SNRNP70: variants seen among roughly 807,000 people sequenced by gnomAD.
SNRNP70 encodes small nuclear ribonucleoprotein U1 subunit 70, also known as U1 small nuclear ribonucleoprotein 70 kDa.
Under a neutral mutation model 50.5 loss-of-function variants are expected in SNRNP70, and 8 were observed. The observed-to-expected ratio is 0.16, with a 90% confidence interval of 0.09 to 0.29. SNRNP70 has a LOEUF of 0.29. SNRNP70 is among the 10% of genes least tolerant of loss of function. The pLI is 1.00. For missense variants in SNRNP70, 529 were observed against 663.5 expected (o/e 0.80, Z 2.23); for synonymous variants, 320 against 252.9 (o/e 1.27, Z -2.52).
chr19:49,107,807 C>G lies in SNRNP70; in HGVS notation c.678C>G (p.Ser226=). The change falls in exon 10 of 10, where the codon TCC becomes TCG. Residue 226 remains serine, a synonymous_variant. Transcript: ENST00000598441. The surrounding 1 kb of genome is among the most constrained non-coding windows in gnomAD (Gnocchi z 6.0). Reference sequence around the variant, plus strand: ...CCACCTCATCCAGGCCCGGCCCCTCCCCGCTTCCGCACAGGGACCGGGACC... The same window carrying G: ...CCACCTCATCCAGGCCCGGCCCCTCGCCGCTTCCGCACAGGGACCGGGACC... ...TSRYDERPGP[S]PLPHRDRDRD... 1 of 1,601,710 alleles carries G rather than the reference C, an allele frequency of 6.2e-7. No individual in the cohort carries two copies. Among genetic ancestry groups the G allele is most frequent in the Non-Finnish European group, 8.5e-7 (1 of 1,174,726 alleles).
Position 49,100,806 on chromosome 19 carries a change from C to CA in SNRNP70, c.394-564dup, listed in dbSNP as rs61621289. On this transcript the variant is annotated intron_variant, in intron 6 of 9. Coordinates refer to ENST00000598441, the MANE Select transcript of SNRNP70 (RefSeq NM_003089.6). ...GGGCAACAGAGCAAGACTCTGTCTC[C>CA]AAAAAAAAAAAAAAAAAAAAGAATT... 8.7e-3 allele frequency among the ~76,000 whole-genome samples: 976 copies of CA among 112,324 alleles called. 8 individuals are homozygous for CA. Among genetic ancestry groups the CA allele is most frequent in the African/African-American group, 0.027 (779 of 28,924 alleles). 73.7% of individuals were successfully genotyped at this position (112,324 alleles called of 152,430 possible).
At chr19:49,087,434 A>G (rs1334053364) in intron 2 of SNRNP70, among the ~76,000 whole-genome samples, 1 of 152,194 alleles carries the variant, frequency 6.6e-6, no homozygotes, top group African/African-American at 2.4e-5. Context: ...AGCAGTCAGC[A>G]CATGTCAGCC....
Position 49,086,498 on chromosome 19 carries a change from G to T in SNRNP70, c.84G>T (p.Leu28=), listed in dbSNP as rs199776067. 2 of 1,614,042 alleles carry T rather than the reference G, an allele frequency of 1.2e-6. No individual in the cohort carries two copies. The highest frequency in any genetic ancestry group is 1.7e-6 in the Non-Finnish European group (2 of 1,180,016). ...PIPYLPPLEK[L]PHEKHHNQPY... ...CATACCTGCCACCCCTGGAGAAACT[G>T]CCACATGAAAAACACCACAATCAAC... Residue 28 remains leucine, a synonymous_variant, in exon 2 of 10, where the codon CTG becomes CTT. Coordinates refer to ENST00000598441, the MANE Select transcript of SNRNP70 (RefSeq NM_003089.6).
At chr19:49,106,289 G>T (rs371377245) in intron 8 of SNRNP70, among the ~76,000 whole-genome samples, 1 of 152,178 alleles carries the variant, frequency 6.6e-6, no homozygotes, top group South Asian at 2.1e-4. Context: ...TAGTTCAATT[G>T]CCATTCAAAC....
rs572775588 is a variant in SNRNP70, at chr19:49,107,374, T to G, written c.578-251T>G. Among the ~76,000 whole-genome samples the G allele has an allele frequency of 1.3e-4, 20 of 152,196 alleles. No homozygotes were observed. The highest frequency in any genetic ancestry group is 2.9e-4 in the Non-Finnish European group (20 of 68,032). On this transcript the variant is annotated intron_variant, in intron 8 of 9. Coordinates refer to ENST00000598441, the MANE Select transcript of SNRNP70 (RefSeq NM_003089.6). This position sits in a 1 kb window ranked among gnomAD's most constrained non-coding sequence, Gnocchi z 6.0. Reference sequence around the variant, plus strand: ...GTGAAGTGCGCTATGGTTAAGATGATGCGCTTTGGGGCCAGACATGGGTTC... The same window carrying G: ...GTGAAGTGCGCTATGGTTAAGATGAGGCGCTTTGGGGCCAGACATGGGTTC...
intron 2 of SNRNP70, among the ~76,000 whole-genome samples, chr19:49,087,082 A>G (rs1156824128): frequency 6.7e-6 from 1 of 148,798 alleles, no homozygotes; most frequent in East Asian, 2.0e-4. Flanking sequence ...TGGGAGGCTG[A>G]GGCACGGGAA....
At position 49,108,156 on chromosome 19, in the gene SNRNP70, C is replaced by T; in HGVS notation, c.1027C>T (p.Pro343Ser). The change falls in exon 10 of 10, where the codon CCA (proline) becomes TCA (serine). Residue 343 changes from proline (P) to serine (S), a missense_variant. By Grantham distance (74) the Pro-to-Ser change is moderately conservative (BLOSUM62 -1). Around this residue, in one of 4 missense-constraint regions of SNRNP70, gnomAD observed 327 missense variants for 308.8 expected, o/e 1.06. Transcript: ENST00000598441. ...GCTCGGGCCTGACGGCCCTGACGGT[C>T]CAGAGGAAAAGGGCCGGGATCGTGA... ...GELGPDGPDG[P>S]EEKGRDRDRE... 1.3e-6 allele frequency: 2 copies of T among 1,543,786 alleles called. No individual in the cohort carries two copies. Among genetic ancestry groups the T allele is most frequent in the Non-Finnish European group, 8.7e-7 (1 of 1,144,740 alleles).
Position 49,108,454 on chromosome 19 carries a change from C to T in SNRNP70, c.*11C>T, listed in dbSNP as rs1347712625. 2 of 1,584,960 alleles carry T rather than the reference C, an allele frequency of 1.3e-6. No homozygotes were observed. Among genetic ancestry groups the T allele is most frequent in the Non-Finnish European group, 1.7e-6 (2 of 1,166,608 alleles). ...GCTGCGCCGGAGTGAAGAGGTCGTC[C>T]TCTCCATCTGCTGTGTTTGGACGCG... On this transcript the variant is annotated 3_prime_UTR_variant, in exon 10 of 10. Transcript: ENST00000598441.
At chr19:49,087,575 G>A (rs529628749) in intron 2 of SNRNP70, 8 of 152,316 alleles carry the variant, frequency 5.3e-5, no homozygotes, top group African/African-American at 1.9e-4. Flanking sequence ...GGATAAATAG[G>A]AATGAATGAC....
Position 49,090,722 on chromosome 19 carries a change from G to T in SNRNP70, c.265+202G>T. ...GCAGCAGAACATAGGGTAAAAGTTGGCAGGAAGGGAGACCCCTGGTACCTT... is the reference window on the plus strand; with the variant it reads ...GCAGCAGAACATAGGGTAAAAGTTGTCAGGAAGGGAGACCCCTGGTACCTT... On this transcript the variant is annotated intron_variant, in intron 4 of 9. Transcript: ENST00000598441. The T allele has an allele frequency of 5.0e-6, 3 of 600,358 alleles. No homozygotes were observed. The South Asian group carries it at 6.1e-5, about 12-fold the overall frequency. 37.2% of individuals were successfully genotyped at this position (600,358 alleles called of 1,614,324 possible). A position where few individuals can be genotyped will look rare whatever the true frequency, so the allele number is the denominator to read the frequency against.
At chr19:49,095,364 C>T (rs116929591) in intron 4 of SNRNP70, among the ~76,000 whole-genome samples, 4,516 of 152,328 alleles carry the variant, frequency 0.03, 95 homozygotes, top group Non-Finnish European at 0.043. Flanking sequence ...GGTGTGTTTC[C>T]TTGCTGCTGT....
intron 7 of SNRNP70, chr19:49,102,741 G>C (rs2122380253): frequency 6.5e-6 from 1 of 154,074 alleles, no homozygotes; most frequent in East Asian, 1.9e-4. Flanking sequence ...GGGGCTTGGG[G>C]TGTGGGAGGG....
At chr19:49,093,440 C>CCTT (rs2040473621) in intron 4 of SNRNP70, among the ~76,000 whole-genome samples, 2 of 151,954 alleles carry the variant, frequency 1.3e-5, no homozygotes, top group African/African-American at 4.8e-5. Flanking sequence ...CGCCTGTAAT[C>CCTT]CTTCAAGGCA....
rs769626539 is a variant in SNRNP70, at chr19:49,104,738, G to A, written c.577+3G>A. On this transcript the variant is annotated splice_donor_region_variant and intron_variant, in intron 8 of 9. Coordinates refer to ENST00000598441, the MANE Select transcript of SNRNP70 (RefSeq NM_003089.6). This position sits in a 1 kb window ranked among gnomAD's most constrained non-coding sequence, Gnocchi z 5.4. ...GGGCTGGAGGCCCCGGCGGCTAGGT[G>A]AGCACATCCTGCCTTCGACGGGCTC... 2.5e-5 allele frequency: 38 copies of A among 1,540,238 alleles called. No individual in the cohort carries two copies. The highest frequency in any genetic ancestry group is 3.3e-5 in the Non-Finnish European group (38 of 1,141,278).
chr19:49,088,234 G>A (rs550026713), intron 2 of SNRNP70, among the ~76,000 whole-genome samples: 5 of 128,346 alleles, frequency 3.9e-5, no homozygotes, highest in Admixed American at 9.3e-5. Flanking sequence ...TTGGAGTCTC[G>A]CTCTGTTGCC....
intron 6 of SNRNP70, among the ~76,000 whole-genome samples, chr19:49,099,520 C>A (rs2122358652): frequency 6.8e-6 from 1 of 147,244 alleles, no homozygotes; most frequent in South Asian, 2.2e-4. Context: ...AACCTGAGGT[C>A]AGGAGTTCGA....
Position 49,085,635 on chromosome 19 carries a change from C to T in SNRNP70, c.-12C>T, listed in dbSNP as rs1439999472. On this transcript the variant is annotated splice_region_variant and 5_prime_UTR_variant, in exon 1 of 10. Transcript: ENST00000598441. ...ACGCCAGAGCGAGGAGGGCGCTACG[C>T]GGTGAGTGAGTGTGACTGAGTGGCC... is the stretch of plus-strand genomic sequence containing the variant. 3 of 455,922 alleles carry T rather than the reference C, an allele frequency of 6.6e-6. No individual in the cohort carries two copies. The Admixed American group carries it at 7.1e-5, about 11-fold the overall frequency. 28.2% of individuals were successfully genotyped at this position (455,922 alleles called of 1,614,324 possible). A position where few individuals can be genotyped will look rare whatever the true frequency, so the allele number is the denominator to read the frequency against.
Position 49,098,662 on chromosome 19 carries a change from C to T in SNRNP70, c.351C>T (p.Ser117=), listed in dbSNP as rs1568420634. 1 of 1,614,050 alleles carries T rather than the reference C, an allele frequency of 6.2e-7. No homozygotes were observed. ...VARVNYDTTE[S]KLRREFEVYG... Reference sequence around the variant, plus strand: ...TGTAGAATTATGACACAACAGAATCCAAGCTCCGGAGAGAGTTTGAGGTGT... The same window carrying T: ...TGTAGAATTATGACACAACAGAATCTAAGCTCCGGAGAGAGTTTGAGGTGT... Residue 117 remains serine, a synonymous_variant, in exon 6 of 10, where the codon TCC becomes TCT. Transcript: ENST00000598441.
chr19:49,095,828 C>T (rs2040505995), intron 4 of SNRNP70, among the ~76,000 whole-genome samples: 1 of 151,794 alleles, frequency 6.6e-6, no homozygotes, highest in African/African-American at 2.4e-5. Flanking sequence ...CGCCCAGCAC[C>T]TTTTTTTGTC....
Sources: allele counts gnomAD v4.1 joint callset (sites outside exome capture counted in the v4.1 genomes callset), GRCh38; gene constraint gnomAD v4.1.1; regional missense constraint gnomAD v4.1.1; non-coding constraint Gnocchi (gnomAD v3.1); transcripts MANE v1.5; gene names NCBI Gene and HGNC (gene_info 2026-07-23, HGNC 2026-07-21).